Variants in CAMK2A observed in about 807,000 individuals in gnomAD.
The protein encoded by CAMK2A is calcium/calmodulin dependent protein kinase II alpha, also known as calcium/calmodulin-dependent protein kinase type II subunit alpha.
Under a neutral mutation model 79.2 loss-of-function variants are expected in CAMK2A, and 7 were observed. That is an observed-to-expected ratio of 0.09 (90% CI 0.05 to 0.17). CAMK2A has a LOEUF of 0.17. CAMK2A is among the 10% of genes least tolerant of loss of function. The probability of loss-of-function intolerance (pLI) is 1.00; values close to 1 mark genes in which losing one functional copy is unlikely to be tolerated. For synonymous variants in CAMK2A, 242 were observed against 251.7 expected (o/e 0.96, Z 0.36); for missense variants, 214 against 646.4 (o/e 0.33, Z 7.25).
chr5:150,259,164 A>T (rs1756190796), intron 3 of CAMK2A, among the ~76,000 whole-genome samples: 1 of 152,020 alleles, frequency 6.6e-6, no homozygotes, highest in African/African-American at 2.4e-5. Flanking sequence ...TGAGCGACAA[A>T]GCAACACTCC....
At position 150,260,541 on chromosome 5, in the gene CAMK2A, G is replaced by T. The variant is rs1406690225; in HGVS notation, c.218-2924C>A. Among the ~76,000 whole-genome samples, 3 of 151,872 alleles carry T rather than the reference G, an allele frequency of 2.0e-5. No individual in the cohort carries two copies. In the East Asian group the frequency reaches 5.8e-4, roughly 29 times the overall value. On this transcript the variant is annotated intron_variant, in intron 3 of 18. Transcript: ENST00000671881. ...TCTGGCAATTCTATACCTGGGCCCTGCCCAGAAGCCCTTTGGTAAGTTGGT... is the reference window on the plus strand; with the variant it reads ...TCTGGCAATTCTATACCTGGGCCCTTCCCAGAAGCCCTTTGGTAAGTTGGT...
chr5:150,264,005 C>T (rs542871758), intron 3 of CAMK2A, among the ~76,000 whole-genome samples: 25 of 152,284 alleles, frequency 1.6e-4, no homozygotes, highest in African/African-American at 6.0e-4. Context: ...ACCCTTGGGG[C>T]CCTGGGCACG....
At chr5:150,281,587 T>TAGTCATTGC (rs1289485708) in intron 1 of CAMK2A, among the ~76,000 whole-genome samples, 2 of 152,218 alleles carry the variant, frequency 1.3e-5, no homozygotes, top group Non-Finnish European at 2.9e-5. Flanking sequence ...TGCTGATTCA[T>TAGTCATTGC]AGTCATTGCT....
Position 150,258,374 on chromosome 5 carries a change from G to A in CAMK2A, c.218-757C>T, listed in dbSNP as rs532630808. Among the ~76,000 whole-genome samples the A allele has an allele frequency of 7.2e-5, 11 of 152,258 alleles. No homozygotes were observed. The South Asian group carries it at 1.5e-3, about 20-fold the overall frequency. On this transcript the variant is annotated intron_variant, in intron 3 of 18. Coordinates refer to ENST00000671881, the MANE Select transcript of CAMK2A (RefSeq NM_015981.4). The stretch of plus-strand genomic sequence containing the variant: ...CAGGACAGGGCTCACATCCTTCCCC[G>A]CACCACAGCCTAAAAATGTCCATGC...
intron 2 of CAMK2A, chr5:150,265,546 A>G (rs1160422713): frequency 3.2e-5 from 5 of 155,742 alleles, no homozygotes; most frequent in African/African-American, 9.7e-5. Context: ...AGCATGACCC[A>G]CTCAGTCTCA....
chr5:150,285,990 C>T (rs1757410652), intron 1 of CAMK2A, among the ~76,000 whole-genome samples: 1 of 152,172 alleles, frequency 6.6e-6, no homozygotes, highest in South Asian at 2.1e-4. Flanking sequence ...ACCCCTTTGC[C>T]CAATAACCAG....
At chr5:150,263,282 G>A (rs1391765237) in intron 3 of CAMK2A, among the ~76,000 whole-genome samples, 3 of 152,114 alleles carry the variant, frequency 2.0e-5, no homozygotes, top group African/African-American at 7.2e-5. Context: ...AGAGGGAGGT[G>A]TGAACATGAG....
At chr5:150,236,967 G>A (rs1326592422) in intron 15 of CAMK2A, among the ~76,000 whole-genome samples, 1 of 152,104 alleles carries the variant, frequency 6.6e-6, no homozygotes, top group Non-Finnish European at 1.5e-5. Context: ...ATAGGTCACT[G>A]CAGCCTTAAA....
At chr5:150,231,498 A>T (rs1754840615) in intron 15 of CAMK2A, 118 bp from the exon 16 acceptor site, 1 of 409,466 alleles carries the variant, frequency 2.4e-6, no homozygotes, top group Non-Finnish European at 4.1e-6. Context: ...CATGTGCCAG[A>T]CTCTGTGCTG....
intron 15 of CAMK2A, 81 bp downstream of exon 15, chr5:150,238,619 G>A: frequency 7.5e-7 from 1 of 1,334,608 alleles, no homozygotes; most frequent in Non-Finnish European, 1.1e-6. Flanking sequence ...GTTGGCACGT[G>A]GGAGCTGTCA....
Position 150,220,416 on chromosome 5 carries a change from C to T in CAMK2A, c.*2294G>A, listed in dbSNP as rs1754251012. 6.6e-6 allele frequency: 1 copy of T among 152,344 alleles called. No individual in the cohort carries two copies. Among genetic ancestry groups the T allele is most frequent in the Non-Finnish European group, 1.5e-5 (1 of 68,038 alleles). The allele number at this position is 152,344 out of a possible 1,614,324, so 9.4% of individuals were successfully genotyped here. A position where few individuals can be genotyped will look rare whatever the true frequency, so the allele number is the denominator to read the frequency against. On this transcript the variant is annotated 3_prime_UTR_variant, in exon 19 of 19. Coordinates refer to ENST00000671881, the MANE Select transcript of CAMK2A (RefSeq NM_015981.4). ...AAACAGGAGTCCAGCCAGTGACTATCCCTGCCAGTTCCTGCAGGTAAATTA... is the reference window on the plus strand; with the variant it reads ...AAACAGGAGTCCAGCCAGTGACTATTCCTGCCAGTTCCTGCAGGTAAATTA...
chr5:150,245,330 T>TGGG (rs1270300134), intron 12 of CAMK2A, 129 bp from the exon 13 acceptor site: 3 of 743,232 alleles, frequency 4.0e-6, no homozygotes, highest in Non-Finnish European at 6.8e-6. Flanking sequence ...CCAGCGATCC[T>TGGG]GGGGGAGGCC....
rs766747592 is a variant in CAMK2A, at chr5:150,222,730, G to C, written c.1467-17C>G. The C allele has an allele frequency of 1.2e-6, 2 of 1,613,940 alleles. No homozygotes were observed. The highest frequency in any genetic ancestry group is 1.7e-6 in the Non-Finnish European group (2 of 1,179,920). ...GTCCCTCAGCTGTAAGACACACACG[G>C]GGTGCTTCTCAGGGCATGGTGTTTC... On this transcript the variant is annotated splice_polypyrimidine_tract_variant and intron_variant, in intron 18 of 18. Coordinates refer to ENST00000671881, the MANE Select transcript of CAMK2A (RefSeq NM_015981.4).
Position 150,284,380 on chromosome 5 carries a change from A to G in CAMK2A, c.62+5184T>C, listed in dbSNP as rs561921541. 3.3e-5 allele frequency among the ~76,000 whole-genome samples: 5 copies of G among 152,264 alleles called. No homozygotes were observed. Among genetic ancestry groups the G allele is most frequent in the African/African-American group, 1.2e-4 (5 of 41,540 alleles). Reference sequence around the variant, plus strand: ...GTGTGAGCACGCATGCATCAGCAACAGGATGCGAGTGTTGCACTCCGAGGC... The same window carrying G: ...GTGTGAGCACGCATGCATCAGCAACGGGATGCGAGTGTTGCACTCCGAGGC... On this transcript the variant is annotated intron_variant, in intron 1 of 18. Transcript: ENST00000671881. This position sits in a 1 kb window ranked among gnomAD's most constrained non-coding sequence, Gnocchi z 5.3.
Position 150,228,203 on chromosome 5 carries a change from T to A in CAMK2A, c.1226A>T (p.Tyr409Phe). The change falls in exon 17 of 19, where the codon TAT becomes TTT. Residue 409 changes from tyrosine (Y) to phenylalanine (F), a missense_variant. Coordinates refer to ENST00000671881, the MANE Select transcript of CAMK2A (RefSeq NM_015981.4). Reference protein sequence around the residue: ...LVEGLDFHRFYFENLWSRNSK... With the variant: ...LVEGLDFHRFFFENLWSRNSK... ...AAGGAATTGCTCACGGTTTTCAAAA[T>A]AGAATCGATGGAAGTCCAGGCCCTC... The A allele has an allele frequency of 6.2e-7, 1 of 1,613,234 alleles. No homozygotes were observed. Among genetic ancestry groups the A allele is most frequent in the East Asian group, 2.2e-5 (1 of 44,838 alleles).
intron 15 of CAMK2A, 140 bp from the exon 16 acceptor site, chr5:150,231,520 C>T: frequency 2.9e-6 from 1 of 346,266 alleles, no homozygotes. Flanking sequence ...GACCTGAAGA[C>T]CTCATGCAGA....
At chr5:150,230,047 C>T (rs551568936) in intron 16 of CAMK2A, among the ~76,000 whole-genome samples, 3 of 151,998 alleles carry the variant, frequency 2.0e-5, no homozygotes, top group East Asian at 1.9e-4. Flanking sequence ...CGGGCGGGCT[C>T]GGTAGCTGAC....
At chr5:150,222,822 C>T in intron 18 of CAMK2A, 109 bp from the exon 19 acceptor site, 1 of 1,451,988 alleles carries the variant, frequency 6.9e-7, no homozygotes, top group Non-Finnish European at 9.7e-7. Context: ...TGGCTCCTGC[C>T]CAGCTCTTCC....
chr5:150,231,159 A>T (rs1303241436), intron 16 of CAMK2A, 146 bp downstream of exon 16: 2 of 455,592 alleles, frequency 4.4e-6, no homozygotes, highest in Non-Finnish European at 8.0e-6. Context: ...GTCCGGATGC[A>T]AAATAGAAAT....
Sources: allele counts gnomAD v4.1 joint callset (sites outside exome capture counted in the v4.1 genomes callset), GRCh38; gene constraint gnomAD v4.1.1; non-coding constraint Gnocchi (gnomAD v3.1); transcripts MANE v1.5; gene names NCBI Gene and HGNC (gene_info 2026-07-23, HGNC 2026-07-21).